The following SLC25A21 variants were observed in gnomAD, a reference collection of about 807,000 sequenced individuals.
SLC25A21 encodes mitochondrial 2-oxodicarboxylate carrier.
In SLC25A21, 47 loss-of-function variants were observed where a neutral mutation model predicts 43.8. The observed-to-expected ratio is 1.07, with a 90% CI of 0.85 to 1.37. The LOEUF is 1.37. SLC25A21 is among the 40% of genes most tolerant of loss of function. The probability of loss-of-function intolerance (pLI) is 0.00; values close to 1 mark genes in which losing one functional copy is unlikely to be tolerated. For synonymous variants in SLC25A21, 131 were observed against 121.3 expected (o/e 1.08, Z -0.52); for missense variants, 352 against 350.2 (o/e 1.00, Z -0.04).
chr14:37,156,620 G>T (rs1482531077), intron 1 of SLC25A21, among the ~76,000 whole-genome samples: 1 of 151,422 alleles, frequency 6.6e-6, no homozygotes, highest in Non-Finnish European at 1.5e-5. Flanking sequence ...AAGTGAGCAG[G>T]AGTAGCTACA....
intron 1 of SLC25A21, among the ~76,000 whole-genome samples, chr14:36,895,297 A>C (rs1162958338): frequency 6.6e-6 from 1 of 152,074 alleles, no homozygotes; most frequent in Non-Finnish European, 1.5e-5. Flanking sequence ...GAATTTATCC[A>C]TTTCTTCTAC....
intron 3 of SLC25A21, among the ~76,000 whole-genome samples, chr14:36,768,163 G>C (rs1002823374): frequency 6.6e-6 from 1 of 152,140 alleles, no homozygotes; most frequent in Non-Finnish European, 1.5e-5. Flanking sequence ...GTACACTTGG[G>C]CTTTATATTG....
At chr14:36,942,987 C>T (rs1892601137) in intron 1 of SLC25A21, among the ~76,000 whole-genome samples, 1 of 152,060 alleles carries the variant, frequency 6.6e-6, no homozygotes, top group African/African-American at 2.4e-5. Flanking sequence ...GGTATGGTTC[C>T]AGTAGAGAGC....
At position 36,790,312 on chromosome 14, in the gene SLC25A21, A is replaced by G. The variant is rs535532369; in HGVS notation, c.203+23606T>C. On this transcript the variant is annotated intron_variant, in intron 3 of 9. Coordinates refer to ENST00000331299, the MANE Select transcript of SLC25A21 (RefSeq NM_030631.4). ...CAGACCTGTGCAAAAATTTCAATTA[A>G]TTCTAATTTTTGAGAGGTGGTGCAT... 2.0e-3 allele frequency among the ~76,000 whole-genome samples: 305 copies of G among 152,218 alleles called. 4 individuals are homozygous for G. Among genetic ancestry groups the G allele is most frequent in the African/African-American group, 7.0e-3 (292 of 41,540 alleles).
chr14:37,010,483 C>T (rs1960706370), intron 1 of SLC25A21, among the ~76,000 whole-genome samples: 1 of 152,148 alleles, frequency 6.6e-6, no homozygotes, highest in Non-Finnish European at 1.5e-5. Flanking sequence ...CTGGGTGTAA[C>T]TGCCACTAAA....
intron 3 of SLC25A21, among the ~76,000 whole-genome samples, chr14:36,784,880 A>C (rs141174290): frequency 6.6e-6 from 1 of 152,340 alleles, no homozygotes; most frequent in African/African-American, 2.4e-5. Context: ...CATACTATAT[A>C]TATTTGGCAG....
intron 1 of SLC25A21, among the ~76,000 whole-genome samples, chr14:37,008,780 A>T (rs1960665418): frequency 6.6e-6 from 1 of 152,070 alleles, no homozygotes; most frequent in Non-Finnish European, 1.5e-5. Context: ...CTGAAGTTTT[A>T]TGTCTCAATG....
At chr14:36,969,693 C>T (rs755016915) in intron 1 of SLC25A21, among the ~76,000 whole-genome samples, 17 of 151,846 alleles carry the variant, frequency 1.1e-4, no homozygotes, top group Non-Finnish European at 2.1e-4. Context: ...GGTCTCGGTA[C>T]GTTATCTATA....
chr14:36,811,056 A>G (rs1204416121), intron 3 of SLC25A21, among the ~76,000 whole-genome samples: 2 of 143,644 alleles, frequency 1.4e-5, no homozygotes, highest in African/African-American at 5.0e-5. Flanking sequence ...AAGGAAGAGC[A>G]TGGAAAAGCC....
chr14:37,142,204 CTATT>C (rs1399556659), intron 1 of SLC25A21, among the ~76,000 whole-genome samples: 2 of 152,170 alleles, frequency 1.3e-5, no homozygotes, highest in Non-Finnish European at 2.9e-5. Context: ...GTTACTATTC[CTATT>C]TAAAGACTTG....
intron 1 of SLC25A21, among the ~76,000 whole-genome samples, chr14:36,913,009 G>C (rs990280773): frequency 6.6e-6 from 1 of 151,982 alleles, no homozygotes. Flanking sequence ...ACTCACTAGA[G>C]CTGTCCTTCA....
At chr14:36,791,825 A>G (rs569056149) in intron 3 of SLC25A21, among the ~76,000 whole-genome samples, 2 of 152,268 alleles carry the variant, frequency 1.3e-5, no homozygotes, top group East Asian at 1.9e-4. Flanking sequence ...TTAAGAGTCA[A>G]CTTTGGGATG....
chr14:36,776,230 C>CT (rs1328087696), intron 3 of SLC25A21, among the ~76,000 whole-genome samples: 11 of 70,790 alleles, frequency 1.6e-4, no homozygotes, highest in East Asian at 4.1e-4. Context: ...CTTTTTCTTT[C>CT]TTTCTTTCTT....
chr14:36,720,541 G>A (rs1404064682), intron 6 of SLC25A21, among the ~76,000 whole-genome samples: 1 of 152,218 alleles, frequency 6.6e-6, no homozygotes, highest in Non-Finnish European at 1.5e-5. Context: ...GTGTTGTCAA[G>A]CCAGTTGGCC....
intron 1 of SLC25A21, among the ~76,000 whole-genome samples, chr14:37,144,910 C>T (rs1212530457): frequency 1.3e-5 from 2 of 149,668 alleles, no homozygotes; most frequent in Admixed American, 6.8e-5. Context: ...TGTGATTACA[C>T]GCCCAGCCTG....
chr14:37,136,906 G>C (rs1329705316), intron 1 of SLC25A21, among the ~76,000 whole-genome samples: 1 of 152,274 alleles, frequency 6.6e-6, no homozygotes, highest in South Asian at 2.1e-4. Flanking sequence ...ATAGGGCAGG[G>C]GGAATGGGGA....
intron 1 of SLC25A21, among the ~76,000 whole-genome samples, chr14:37,109,678 C>T (rs1282001839): frequency 6.6e-6 from 1 of 152,178 alleles, no homozygotes; most frequent in African/African-American, 2.4e-5. Flanking sequence ...ACTGCCCATG[C>T]ACAATCTAGT....
At chr14:37,093,630 T>G (rs1962629850) in intron 1 of SLC25A21, among the ~76,000 whole-genome samples, 1 of 152,108 alleles carries the variant, frequency 6.6e-6, no homozygotes, top group African/African-American at 2.4e-5. Context: ...TCATTGCGTG[T>G]AAGAAAGAGG....
chr14:36,797,371 G>C (rs748812095), intron 3 of SLC25A21, among the ~76,000 whole-genome samples: 4 of 152,040 alleles, frequency 2.6e-5, no homozygotes, highest in East Asian at 3.9e-4. Context: ...AGAAAAAAAG[G>C]CTCCTTAAGA....
Sources: gnomAD v4.1 joint callset for allele counts (sites outside exome capture counted in the v4.1 genomes callset) on GRCh38, gnomAD v4.1.1 for gene constraint, MANE v1.5 for transcripts, NCBI Gene and HGNC (gene_info 2026-07-23, HGNC 2026-07-21) for gene names.